Variants in TMEM230 observed in about 807,000 individuals in gnomAD.
TMEM230 encodes transmembrane protein 230.
Under a neutral mutation model 15.8 loss-of-function variants are expected in TMEM230, and 10 were observed. That is an observed-to-expected ratio of 0.63 (90% CI 0.39 to 1.07). TMEM230 has a LOEUF of 1.07. Ranked by LOEUF, TMEM230 falls within the 50% of genes least tolerant of loss-of-function variation. The probability of loss-of-function intolerance (pLI) is 0.01; values close to 1 mark genes in which losing one functional copy is unlikely to be tolerated. For missense variants in TMEM230, 165 were observed against 193.3 expected (o/e 0.85, Z 0.87); for synonymous variants, 67 against 76.9 (o/e 0.87, Z 0.68).
intron 3 of TMEM230, among the ~76,000 whole-genome samples, chr20:5,081,321 C>G (rs2089167704): frequency 6.6e-6 from 1 of 152,174 alleles, no homozygotes; most frequent in Admixed American, 6.5e-5. Context: ...ATATCCTTGA[C>G]AAGCCAGAAA....
chr20:5,059,338 A>G, the TMEM230 span, among the ~76,000 whole-genome samples: 2 of 152,158 alleles, frequency 1.3e-5, no homozygotes, highest in East Asian at 3.9e-4. Context: ...TCTCCTTCCA[A>G]AAAAAATTCT....
At chr20:5,072,327 C>A (rs1037183704) in intron 3 of TMEM230, among the ~76,000 whole-genome samples, 1 of 152,108 alleles carries the variant, frequency 6.6e-6, no homozygotes, top group Non-Finnish European at 1.5e-5. Flanking sequence ...GCTGGGATTA[C>A]AAACAAGCAT....
chr20:5,083,528 TAC>T (rs2122609367), intron 3 of TMEM230, among the ~76,000 whole-genome samples: 1 of 152,272 alleles, frequency 6.6e-6, no homozygotes, highest in East Asian at 1.9e-4. Flanking sequence ...GGCACTCAAG[TAC>T]ACACAGATTT....
intron 3 of TMEM230, among the ~76,000 whole-genome samples, chr20:5,081,625 G>A (rs888103690): frequency 6.6e-6 from 1 of 152,140 alleles, no homozygotes; most frequent in African/African-American, 2.4e-5. Flanking sequence ...TCATAGCTGA[G>A]AACAGGGAAC....
chr20:5,099,719 G>C, downstream of TMEM230: 6 of 393,750 alleles, frequency 1.5e-5, no homozygotes, highest in Non-Finnish European at 1.9e-5. Context: ...CAGGCTTCCA[G>C]TTGCCCAAGT....
chr20:5,082,024 C>T (rs1318892684), intron 3 of TMEM230, among the ~76,000 whole-genome samples: 1 of 151,640 alleles, frequency 6.6e-6, no homozygotes, highest in African/African-American at 2.4e-5. Flanking sequence ...CAGGCACCCA[C>T]CACCACGCCT....
At chr20:5,088,969 T>C (rs1399645282) in intron 3 of TMEM230, among the ~76,000 whole-genome samples, 1 of 152,244 alleles carries the variant, frequency 6.6e-6, no homozygotes, top group Non-Finnish European at 1.5e-5. Context: ...GCTGTGCTGA[T>C]AAGTGACTAT....
At chr20:5,090,554 G>A (rs1334575383) in intron 3 of TMEM230, among the ~76,000 whole-genome samples, 2 of 152,004 alleles carry the variant, frequency 1.3e-5, no homozygotes, top group African/African-American at 4.8e-5. Flanking sequence ...ATACAAATGG[G>A]GTCAGTTTGG....
chr20:5,113,005 G>C lies in TMEM230; in HGVS notation c.24C>G (p.Thr8=). Residue 8 remains threonine, a synonymous_variant, in exon 1 of 5, where the codon ACC becomes ACG. Coordinates refer to ENST00000342308, the MANE Select transcript of TMEM230 (RefSeq NM_001009923.2). ...GCCCGCACACCCAGAGCTCGCCCAC[G>C]GTTGGCAGCGCCCAAGGTTGCATGG... The C allele has an allele frequency of 6.5e-7, 1 of 1,550,094 alleles. No individual in the cohort carries two copies. Among genetic ancestry groups the C allele is most frequent in the Middle Eastern group, 1.7e-4 (1 of 5,892 alleles).
At chr20:5,069,435 C>G in intron 3 of TMEM230, 3 of 1,395,466 alleles carry the variant, frequency 2.1e-6, no homozygotes, top group Non-Finnish European at 2.9e-6. Context: ...GAAATCACAT[C>G]TTATGCATTT....
chr20:5,070,386 C>G (rs2088784236), intron 3 of TMEM230, among the ~76,000 whole-genome samples: 1 of 152,158 alleles, frequency 6.6e-6, no homozygotes, highest in African/African-American at 2.4e-5. Context: ...TGAGCTGAGC[C>G]CAGTGAACTC....
chr20:5,095,275 A>T (rs373792551), downstream of TMEM230, among the ~76,000 whole-genome samples: 284 of 152,122 alleles, frequency 1.9e-3, 2 homozygotes, highest in South Asian at 0.013. Context: ...TTCGGAGTAA[A>T]CTCCTGAGGC....
the TMEM230 span, among the ~76,000 whole-genome samples, chr20:5,061,733 T>C: frequency 1.3e-5 from 2 of 150,972 alleles, no homozygotes; most frequent in African/African-American, 2.4e-5. Context: ...ACTGAGAGGA[T>C]GGAGCAAAGG....
At chr20:5,065,008 T>C (rs75508350), downstream of TMEM230, among the ~76,000 whole-genome samples, 1 of 151,836 alleles carries the variant, frequency 6.6e-6, no homozygotes. Flanking sequence ...CTCATCTCTA[T>C]TAAAAAAACA....
chr20:5,080,710 G>C (rs1244978450), intron 3 of TMEM230, among the ~76,000 whole-genome samples: 1 of 152,106 alleles, frequency 6.6e-6, no homozygotes, highest in African/African-American at 2.4e-5. Context: ...GGGTCTACAG[G>C]CATGCGCCAC....
chr20:5,103,966 T>C (rs2089974228), intron 4 of TMEM230, among the ~76,000 whole-genome samples: 1 of 152,048 alleles, frequency 6.6e-6, no homozygotes, highest in South Asian at 2.1e-4. Context: ...AAAAAGCTTC[T>C]GTACAGCAAA....
chr20:5,103,047 C>G (rs534874844), intron 4 of TMEM230, among the ~76,000 whole-genome samples: 3 of 152,182 alleles, frequency 2.0e-5, no homozygotes, highest in Admixed American at 6.5e-5. Context: ...TTATTTCAAT[C>G]GATGCTAGAA....
intron 3 of TMEM230, among the ~76,000 whole-genome samples, chr20:5,074,043 T>C (rs968272860): frequency 2.6e-5 from 4 of 152,092 alleles, no homozygotes; most frequent in Non-Finnish European, 5.9e-5. Flanking sequence ...GCCACACTTT[T>C]GCACAACCAG....
chr20:5,081,481 G>A (rs1397504858), intron 3 of TMEM230, among the ~76,000 whole-genome samples: 4 of 152,220 alleles, frequency 2.6e-5, no homozygotes, highest in Non-Finnish European at 4.4e-5. Flanking sequence ...ACAATTTGAT[G>A]TGTGTCCAGA....
Sources: allele counts gnomAD v4.1 joint callset (sites outside exome capture counted in the v4.1 genomes callset), GRCh38; gene constraint gnomAD v4.1.1; transcripts MANE v1.5; gene names NCBI Gene and HGNC (gene_info 2026-07-23, HGNC 2026-07-21).